The following RUNDC3B variants were observed in gnomAD, a reference collection of about 807,000 sequenced individuals.
The protein encoded by RUNDC3B is RUN domain containing 3B, also known as RUN domain-containing protein 3B.
In RUNDC3B, 33 loss-of-function variants were observed where a neutral mutation model predicts 58.4. That is an observed-to-expected ratio of 0.56 (90% CI 0.43 to 0.75). The LOEUF (loss-of-function observed/expected upper bound fraction) is 0.75. Ranked by LOEUF, RUNDC3B falls within the 30% of genes least tolerant of loss-of-function variation. RUNDC3B has a pLI of 0.00. For synonymous variants in RUNDC3B, 193 were observed against 195.2 expected (o/e 0.99, Z 0.10); for missense variants, 501 against 535.7 (o/e 0.94, Z 0.64).
At chr7:87,736,197 C>T (rs139562513) in intron 4 of RUNDC3B, among the ~76,000 whole-genome samples, 5 of 152,184 alleles carry the variant, frequency 3.3e-5, no homozygotes. Context: ...AATGAAATTT[C>T]TTTGGTTTAT....
intron 2 of RUNDC3B, among the ~76,000 whole-genome samples, chr7:87,682,532 A>T (rs1827029691): frequency 6.6e-6 from 1 of 152,234 alleles, no homozygotes; most frequent in Non-Finnish European, 1.5e-5. Flanking sequence ...AGAAGCCATG[A>T]AAACAACATT....
chr7:87,660,163 T>A (rs1391520253), intron 2 of RUNDC3B, among the ~76,000 whole-genome samples: 1 of 152,108 alleles, frequency 6.6e-6, no homozygotes, highest in Non-Finnish European at 1.5e-5. Flanking sequence ...GAATTTTGCG[T>A]AAGTTTGGAA....
chr7:87,741,567 A>T lies in RUNDC3B; in HGVS notation c.617A>T (p.Lys206Met), dbSNP rs371666877. 3 of 1,564,792 alleles carry T rather than the reference A, an allele frequency of 1.9e-6. No homozygotes were observed. Among genetic ancestry groups the T allele is most frequent in the Non-Finnish European group, 2.6e-6 (3 of 1,141,606 alleles). The change falls in exon 6 of 11, where the codon AAG (lysine) becomes ATG (methionine). Residue 206 changes from lysine (K) to methionine (M), a missense_variant. Physicochemically the swap from Lys to Met is moderately conservative, Grantham distance 95. Transcript: ENST00000394654. ...GTAATAGACTATACACCATATTTGA[A>T]GTATATCCAAAGGTATGTGACATTT... ...PAVIDYTPYL[K>M]YIQSSDSISS...
At chr7:87,780,226 G>T (rs1834852262) in intron 8 of RUNDC3B, among the ~76,000 whole-genome samples, 1 of 152,262 alleles carries the variant, frequency 6.6e-6, no homozygotes, top group Admixed American at 6.5e-5. Flanking sequence ...CACAGTGGCT[G>T]AACTAATTCA....
intron 3 of RUNDC3B, 86 bp from the exon 4 acceptor site, chr7:87,710,484 T>C (rs891657695): frequency 2.7e-6 from 2 of 736,400 alleles, no homozygotes; most frequent in Admixed American, 5.5e-5. Context: ...ATGGCTGTTC[T>C]TTACATATTA....
intron 6 of RUNDC3B, among the ~76,000 whole-genome samples, chr7:87,751,398 T>G (rs1396804334): frequency 6.6e-6 from 1 of 152,182 alleles, no homozygotes; most frequent in Non-Finnish European, 1.5e-5. Context: ...TTAAAGTAGT[T>G]TTTTCCAATT....
chr7:87,639,106 G>A (rs1456958463), intron 1 of RUNDC3B, among the ~76,000 whole-genome samples: 3 of 144,520 alleles, frequency 2.1e-5, no homozygotes, highest in South Asian at 2.2e-4. Context: ...GAGAAGAGAC[G>A]GCACACCACT....
chr7:87,762,383 T>C (rs892242132), intron 6 of RUNDC3B, among the ~76,000 whole-genome samples: 7 of 151,592 alleles, frequency 4.6e-5, no homozygotes, highest in African/African-American at 1.7e-4. Flanking sequence ...TGTTTACAGT[T>C]TTTACATCCA....
chr7:87,811,964 T>C (rs1280617997), intron 9 of RUNDC3B, among the ~76,000 whole-genome samples: 4 of 152,240 alleles, frequency 2.6e-5, no homozygotes, highest in Admixed American at 6.5e-5. Context: ...CTTCTGTATA[T>C]ACAACATACA....
chr7:87,821,050 CAGG>C (rs1403578382), intron 10 of RUNDC3B, among the ~76,000 whole-genome samples: 3 of 148,814 alleles, frequency 2.0e-5, no homozygotes, highest in Non-Finnish European at 3.0e-5. Flanking sequence ...GGCAATTAGG[CAGG>C]AGAAGGAAAT....
chr7:87,745,542 G>A (rs1331650355), intron 6 of RUNDC3B, among the ~76,000 whole-genome samples: 1 of 152,014 alleles, frequency 6.6e-6, no homozygotes, highest in Non-Finnish European at 1.5e-5. Flanking sequence ...TAAGCTAGGA[G>A]GGTTGTATTT....
At chr7:87,697,916 C>G (rs1396192488) in intron 2 of RUNDC3B, among the ~76,000 whole-genome samples, 1 of 152,048 alleles carries the variant, frequency 6.6e-6, no homozygotes, top group Non-Finnish European at 1.5e-5. Context: ...CCTGCTTCCC[C>G]TCCAAACGGC....
At chr7:87,750,101 T>C (rs2130829171) in intron 6 of RUNDC3B, among the ~76,000 whole-genome samples, 1 of 152,114 alleles carries the variant, frequency 6.6e-6, no homozygotes, top group Non-Finnish European at 1.5e-5. Context: ...ATTGTTCAAT[T>C]CCCACCTATG....
At chr7:87,795,900 A>T (rs1835792885) in intron 8 of RUNDC3B, among the ~76,000 whole-genome samples, 1 of 152,122 alleles carries the variant, frequency 6.6e-6, no homozygotes, top group African/African-American at 2.4e-5. Context: ...ACAAAACACT[A>T]AATAAATAAA....
chr7:87,797,289 G>A (rs1159207083), intron 8 of RUNDC3B, among the ~76,000 whole-genome samples: 4 of 152,074 alleles, frequency 2.6e-5, no homozygotes, highest in East Asian at 3.8e-4. Flanking sequence ...TTTTAAAGTC[G>A]TTTCTGATGG....
At chr7:87,677,675 GAACAAAACAAAAAACCC>G in intron 2 of RUNDC3B, among the ~76,000 whole-genome samples, 1 of 151,896 alleles carries the variant, frequency 6.6e-6, no homozygotes, top group African/African-American at 2.4e-5. Flanking sequence ...ATCCAAAACA[GAACAAAACAAAAAACCC>G]AACAAAACCT....
chr7:87,811,511 A>C (rs568568271), intron 9 of RUNDC3B, among the ~76,000 whole-genome samples: 1 of 151,490 alleles, frequency 6.6e-6, no homozygotes, highest in South Asian at 2.1e-4. Context: ...TTTTTTTTGT[A>C]TTTTTTAGTA....
At chr7:87,767,046 G>A (rs1031846955) in intron 6 of RUNDC3B, among the ~76,000 whole-genome samples, 1 of 151,974 alleles carries the variant, frequency 6.6e-6, no homozygotes. Flanking sequence ...GCTTTCAAAT[G>A]TATTTTGAAA....
chr7:87,675,527 A>G (rs1826240261), intron 2 of RUNDC3B, among the ~76,000 whole-genome samples: 1 of 152,140 alleles, frequency 6.6e-6, no homozygotes, highest in Non-Finnish European at 1.5e-5. Flanking sequence ...GGAACAAAGT[A>G]GAGAACCCAG....
Sources: allele counts gnomAD v4.1 joint callset (sites outside exome capture counted in the v4.1 genomes callset), GRCh38; gene constraint gnomAD v4.1.1; transcripts MANE v1.5; gene names NCBI Gene and HGNC (gene_info 2026-07-23, HGNC 2026-07-21).